The following ROBO2 variants were observed in gnomAD, a reference collection of about 807,000 sequenced individuals.
ROBO2 encodes the protein roundabout homolog 2.
Under a neutral mutation model 160.8 loss-of-function variants are expected in ROBO2, and 53 were observed. The observed-to-expected ratio is 0.33, with a 90% CI of 0.26 to 0.41. The LOEUF (loss-of-function observed/expected upper bound fraction) is 0.41, where lower values mean the gene tolerates loss of function less well. Among genes scored for constraint, ROBO2 ranks in the 10% least tolerant of loss-of-function variants. The probability of loss-of-function intolerance (pLI) is 1.00; values close to 1 mark genes in which losing one functional copy is unlikely to be tolerated. For synonymous variants in ROBO2, 664 were observed against 611.7 expected, an observed-to-expected ratio of 1.09 and a Z score of -1.26; for missense variants, 1,577 against 1,722.4, an observed-to-expected ratio of 0.92 and a Z score of 1.49.
chr3:77,439,609 G>C (rs766525950), intron 2 of ROBO2, among the ~76,000 whole-genome samples: 1 of 152,046 alleles, frequency 6.6e-6, no homozygotes, highest in African/African-American at 2.4e-5. Flanking sequence ...AAGTATGAAG[G>C]GTTCCTTGTA....
At chr3:77,563,500 T>G (rs958556732) in intron 11 of ROBO2, among the ~76,000 whole-genome samples, 171 bp downstream of exon 12, 1 of 152,186 alleles carries the variant, frequency 6.6e-6, no homozygotes, top group African/African-American at 2.4e-5. Flanking sequence ...TTTTTTAGTT[T>G]ACAACTTAAT....
chr3:76,467,204 A>C (rs994082637), intron 2 of ROBO2, among the ~76,000 whole-genome samples: 1 of 152,100 alleles, frequency 6.6e-6, no homozygotes, highest in Non-Finnish European at 1.5e-5. Context: ...ATGAAGAGAC[A>C]CTAGACTTGT....
chr3:77,421,063 T>G (rs1237416612), intron 2 of ROBO2, among the ~76,000 whole-genome samples: 4 of 152,182 alleles, frequency 2.6e-5, no homozygotes, highest in African/African-American at 9.6e-5. Context: ...TAGTCTTTCC[T>G]ATCACACTGG....
intron 2 of ROBO2, among the ~76,000 whole-genome samples, chr3:76,462,303 C>G (rs1336711772): frequency 2.0e-5 from 3 of 152,134 alleles, no homozygotes; most frequent in Non-Finnish European, 4.4e-5. Flanking sequence ...TCTTTCCCCT[C>G]AATTTCTAAT....
At chr3:76,540,810 A>G (rs1163404445) in intron 2 of ROBO2, among the ~76,000 whole-genome samples, 1 of 151,914 alleles carries the variant, frequency 6.6e-6, no homozygotes, top group Non-Finnish European at 1.5e-5. Flanking sequence ...TTATTTATTT[A>G]TTTTTTTGAC....
intron 2 of ROBO2, among the ~76,000 whole-genome samples, chr3:76,714,353 G>C (rs771519118): frequency 6.6e-6 from 1 of 152,082 alleles, no homozygotes; most frequent in East Asian, 1.9e-4. Flanking sequence ...CAGCTCAGGC[G>C]TGGACGGGTG....
chr3:76,851,341 T>A lies in ROBO2; in HGVS notation c.110-246673T>A, dbSNP rs80307507. ...ACAGAACAATTAGAACATATTCCCA[T>A]CATTGTAGAGAATGCTATAGGATAG... is the stretch of plus-strand genomic sequence containing the variant. On this transcript the variant is annotated intron_variant, in intron 2 of 26. Coordinates refer to the ROBO2 transcript ENST00000487694. 7.4e-3 allele frequency among the ~76,000 whole-genome samples: 1,121 copies of A among 152,296 alleles called. 46 individuals are homozygous for A. The East Asian group carries it at 0.12, about 16-fold the overall frequency.
chr3:75,998,322 A>C, intron 2 of ROBO2, among the ~76,000 whole-genome samples: 1 of 152,224 alleles, frequency 6.6e-6, no homozygotes, highest in Non-Finnish European at 1.5e-5. Context: ...CATAAATTAC[A>C]TCACCATAAC....
chr3:76,626,942 G>A (rs934119628), intron 2 of ROBO2, among the ~76,000 whole-genome samples: 5 of 151,980 alleles, frequency 3.3e-5, no homozygotes, highest in Non-Finnish European at 7.4e-5. Context: ...CGCCCGCCTC[G>A]GCCTCCCAAA....
rs1236694218 is a variant in ROBO2 at position 77,614,743 on chromosome 3, AACCAAC to A, written c.3294-2769_3294-2764del. 3.5e-3 allele frequency among the ~76,000 whole-genome samples: 525 copies of A among 151,900 alleles called. 10 individuals are homozygous for A. The East Asian group carries it at 0.065, about 19-fold the overall frequency. Reference sequence around the variant, plus strand: ...CAAAAAACCAACCAACCAACCAACCAACCAACCAACCAAACAAACAAACAAACAAAA... The same window carrying A: ...CAAAAAACCAACCAACCAACCAACCACAACCAAACAAACAAACAAACAAAA... On this transcript the variant is annotated intron_variant, in intron 21 of 25. Transcript: ENST00000461745.
At chr3:77,296,716 T>G (rs2062168772) in intron 2 of ROBO2, among the ~76,000 whole-genome samples, 1 of 152,246 alleles carries the variant, frequency 6.6e-6, no homozygotes, top group South Asian at 2.1e-4. Flanking sequence ...AGATGAATCA[T>G]GGCAAAATCT....
At chr3:77,305,732 A>G (rs900873713) in intron 2 of ROBO2, among the ~76,000 whole-genome samples, 2 of 152,246 alleles carry the variant, frequency 1.3e-5, no homozygotes, top group African/African-American at 4.8e-5. Flanking sequence ...AAAAGAAAAC[A>G]AACCAAAAAA....
At chr3:76,704,421 GGT>G (rs2093114525) in intron 2 of ROBO2, among the ~76,000 whole-genome samples, 1 of 152,028 alleles carries the variant, frequency 6.6e-6, no homozygotes, top group South Asian at 2.1e-4. Flanking sequence ...ATGGCATGTG[GGT>G]TATCGCTGGA....
intron 2 of ROBO2, among the ~76,000 whole-genome samples, chr3:77,342,636 A>G (rs1481168312): frequency 6.6e-6 from 1 of 152,080 alleles, no homozygotes; most frequent in East Asian, 1.9e-4. Flanking sequence ...ATTTGCTGCC[A>G]CTGTGGTATT....
chr3:76,775,225 A>T (rs1005485809), intron 2 of ROBO2, among the ~76,000 whole-genome samples: 19 of 150,692 alleles, frequency 1.3e-4, no homozygotes, highest in African/African-American at 4.4e-4. Flanking sequence ...GAAAACAGAA[A>T]TGTTTTTACT....
chr3:76,230,155 T>C (rs1410084875), intron 2 of ROBO2, among the ~76,000 whole-genome samples: 1 of 152,166 alleles, frequency 6.6e-6, no homozygotes, highest in Non-Finnish European at 1.5e-5. Flanking sequence ...ACATCTATCT[T>C]GATACCACAC....
At chr3:76,230,371 C>T (rs1704549764) in intron 2 of ROBO2, among the ~76,000 whole-genome samples, 1 of 152,048 alleles carries the variant, frequency 6.6e-6, no homozygotes, top group African/African-American at 2.4e-5. Flanking sequence ...GTTACTACTA[C>T]ATTTGTCCTT....
At chr3:76,970,049 T>G (rs961344929) in intron 2 of ROBO2, among the ~76,000 whole-genome samples, 3 of 152,144 alleles carry the variant, frequency 2.0e-5, no homozygotes, top group Admixed American at 6.6e-5. Context: ...AGAAAGGAAA[T>G]TCCTCTGGGA....
chr3:77,171,875 G>A (rs2079675447), intron 2 of ROBO2, among the ~76,000 whole-genome samples: 1 of 152,126 alleles, frequency 6.6e-6, no homozygotes, highest in South Asian at 2.1e-4. Flanking sequence ...ACCTTAATGT[G>A]TAGAGAAACT....
Sources: gnomAD v4.1 joint callset for allele counts (sites outside exome capture counted in the v4.1 genomes callset) on GRCh38, gnomAD v4.1.1 for gene constraint, MANE v1.5 for transcripts, NCBI Gene and HGNC (gene_info 2026-07-23, HGNC 2026-07-21) for gene names.